GPHN: variants seen among roughly 807,000 people sequenced by gnomAD.
GPHN encodes gephyrin.
In GPHN, 17 loss-of-function variants were observed where a neutral mutation model predicts 95.5. That is an observed-to-expected ratio of 0.18 (90% CI 0.12 to 0.27). The LOEUF (loss-of-function observed/expected upper bound fraction) is 0.27. Ranked by LOEUF, GPHN falls within the 10% of genes least tolerant of loss-of-function variation. The pLI is 1.00. For synonymous variants in GPHN, 320 were observed against 322.5 expected (o/e 0.99, Z 0.08); for missense variants, 660 against 978.1 (o/e 0.67, Z 4.34).
chr14:67,351,864 A>AT, the GPHN span, among the ~76,000 whole-genome samples: 33 of 151,726 alleles, frequency 2.2e-4, no homozygotes, highest in Non-Finnish European at 1.8e-4. Flanking sequence ...TGGAAAAAAT[A>AT]TTTTTAACAT....
At chr14:67,691,556 G>C in the GPHN span, 1 of 235,810 alleles carries the variant, frequency 4.2e-6, no homozygotes, top group African/African-American at 2.3e-5. Flanking sequence ...TTCCCAAGCT[G>C]AATGGAAAGA....
At chr14:67,191,346 T>C in the GPHN span, among the ~76,000 whole-genome samples, 1 of 152,232 alleles carries the variant, frequency 6.6e-6, no homozygotes, top group South Asian at 2.1e-4. Flanking sequence ...GGTTTGAAAC[T>C]TTTTATAATA....
At chr14:67,674,605 G>T in the GPHN span, 1 of 785,060 alleles carries the variant, frequency 1.3e-6, no homozygotes, top group Non-Finnish European at 1.9e-6. Context: ...CACCACCGCC[G>T]CCCAGGACGA....
intron 11 of GPHN, among the ~76,000 whole-genome samples, chr14:67,073,931 C>T (rs2076402074): frequency 6.6e-6 from 1 of 152,112 alleles, no homozygotes; most frequent in Non-Finnish European, 1.5e-5. Context: ...CAAAGGAGAT[C>T]TTAACCCTAA....
At chr14:67,390,328 G>C in the GPHN span, among the ~76,000 whole-genome samples, 1 of 152,146 alleles carries the variant, frequency 6.6e-6, no homozygotes, top group Non-Finnish European at 1.5e-5. Context: ...GCTGGGAAGT[G>C]CCAGTAGGAG....
At chr14:66,667,122 C>A (rs917679080) in intron 1 of GPHN, among the ~76,000 whole-genome samples, 1 of 152,110 alleles carries the variant, frequency 6.6e-6, no homozygotes, top group Non-Finnish European at 1.5e-5. Flanking sequence ...AATCACTGCT[C>A]AAACAAATCA....
chr14:66,833,459 A>T (rs1012213403), intron 4 of GPHN, among the ~76,000 whole-genome samples: 8 of 152,188 alleles, frequency 5.3e-5, no homozygotes, highest in Non-Finnish European at 2.9e-5. Context: ...GGTGGGACAC[A>T]GCCAAACCAT....
At chr14:67,055,291 A>G (rs1182442649) in intron 10 of GPHN, among the ~76,000 whole-genome samples, 1 of 152,260 alleles carries the variant, frequency 6.6e-6, no homozygotes, top group Non-Finnish European at 1.5e-5. Flanking sequence ...GAAGATATAC[A>G]TGCAGCCAAC....
the GPHN span, among the ~76,000 whole-genome samples, chr14:67,484,971 C>T: frequency 2.1e-3 from 324 of 152,240 alleles, 1 homozygote; most frequent in African/African-American, 7.5e-3. Flanking sequence ...TTCCAGCAAG[C>T]GGAAAACTGT....
chr14:66,918,824 A>G (rs1043903664), intron 6 of GPHN, among the ~76,000 whole-genome samples: 14 of 152,164 alleles, frequency 9.2e-5, no homozygotes, highest in African/African-American at 2.7e-4. Context: ...TTACCACACA[A>G]TCTTTAAAGA....
chr14:67,078,548 A>C (rs1490905471), intron 11 of GPHN, among the ~76,000 whole-genome samples: 1 of 152,164 alleles, frequency 6.6e-6, no homozygotes, highest in Admixed American at 6.6e-5. Context: ...GGCAAAGGGA[A>C]GGGATGGTTT....
chr14:66,959,135 T>C (rs1047233156), intron 8 of GPHN, among the ~76,000 whole-genome samples: 1 of 152,148 alleles, frequency 6.6e-6, no homozygotes, highest in Non-Finnish European at 1.5e-5. Context: ...TTTCATAAAT[T>C]ACCTATCAAT....
At chr14:67,652,024 C>T in the GPHN span, among the ~76,000 whole-genome samples, 2 of 152,306 alleles carry the variant, frequency 1.3e-5, no homozygotes, top group South Asian at 4.2e-4. Flanking sequence ...CTAGGTTTCT[C>T]CCTAGTCCAC....
At chr14:67,598,306 C>T in the GPHN span, among the ~76,000 whole-genome samples, 4 of 152,086 alleles carry the variant, frequency 2.6e-5, no homozygotes, top group Non-Finnish European at 4.4e-5. Context: ...AGTACACCGG[C>T]ATGAGAGAGA....
In GPHN at chr14:66,825,118, A is replaced by G. The variant is rs1217079318; in HGVS notation, c.294+552A>G. ...AAGACCACAGGAAGCATCTTCAACT[A>G]TTTTATATATAGGAAGAAAAATTAG... On this transcript the variant is annotated intron_variant, in intron 4 of 22. Coordinates refer to ENST00000478722, the MANE Select transcript of GPHN (RefSeq NM_020806.5). 3.3e-5 allele frequency among the ~76,000 whole-genome samples: 5 copies of G among 152,174 alleles called. No individual in the cohort carries two copies. In the South Asian group the frequency reaches 8.3e-4, roughly 25 times the overall value.
At chr14:66,787,342 G>C (rs1377137176) in intron 3 of GPHN, among the ~76,000 whole-genome samples, 1 of 152,006 alleles carries the variant, frequency 6.6e-6, no homozygotes, top group East Asian at 1.9e-4. Flanking sequence ...GAAATAAAAG[G>C]ACACTTGAAT....
intron 6 of GPHN, among the ~76,000 whole-genome samples, chr14:66,921,815 A>G (rs1041006465): frequency 6.6e-6 from 1 of 152,220 alleles, no homozygotes; most frequent in Admixed American, 6.5e-5. Flanking sequence ...AAACTACACT[A>G]TAAGGCCATA....
chr14:67,348,241 A>G, the GPHN span, among the ~76,000 whole-genome samples: 2 of 151,632 alleles, frequency 1.3e-5, no homozygotes, highest in Admixed American at 1.3e-4. Flanking sequence ...CGTCTGGCTT[A>G]TTTTGTATTT....
the GPHN span, among the ~76,000 whole-genome samples, chr14:67,686,735 G>C: frequency 6.6e-5 from 10 of 151,402 alleles, no homozygotes; most frequent in African/African-American, 2.4e-4. Context: ...TATGGAAAAC[G>C]CTGGGGCCAG....
Sources: gnomAD v4.1 joint callset for allele counts (sites outside exome capture counted in the v4.1 genomes callset) on GRCh38, gnomAD v4.1.1 for gene constraint, MANE v1.5 for transcripts, NCBI Gene and HGNC (gene_info 2026-07-23, HGNC 2026-07-21) for gene names.